The following IL7 variants were observed in gnomAD, a reference collection of about 807,000 sequenced individuals.
The protein encoded by IL7 is interleukin-7.
A neutral mutation model predicts 21.6 loss-of-function variants in IL7; 3 were observed. The ratio of observed to expected loss-of-function variants is 0.14; its 90% confidence interval spans 0.06 to 0.36. The LOEUF is 0.36. Among genes scored for constraint, IL7 ranks in the 10% least tolerant of loss-of-function variants. IL7 has a pLI of 1.00. For synonymous variants in IL7, 62 were observed against 68.1 expected, an observed-to-expected ratio of 0.91 and a Z score of 0.44; for missense variants, 175 against 200.2, an observed-to-expected ratio of 0.87 and a Z score of 0.76.
chr8:78,687,915 A>ATG lies in IL7; in HGVS notation n.215-1969_215-1968insCA, dbSNP rs899825283. 7.8e-5 allele frequency among the ~76,000 whole-genome samples: 11 copies of ATG among 140,978 alleles called. 2 individuals are homozygous for ATG. Among genetic ancestry groups the ATG allele is most frequent in the African/African-American group, 2.6e-4 (10 of 38,604 alleles). 92.5% of individuals were successfully genotyped at this position (140,978 alleles called of 152,430 possible). Reference sequence around the variant, plus strand: ...ATAAATTATATATATTTATATAAATATATAATTATTTATATCTATATTTTT... The same window carrying ATG: ...ATAAATTATATATATTTATATAAATATGTATAATTATTTATATCTATATTTTT... On this transcript the variant is annotated intron_variant and non_coding_transcript_variant, in intron 3 of 4. Transcript: ENST00000523959.
At chr8:78,767,765 T>A (rs183535648) in intron 2 of IL7, among the ~76,000 whole-genome samples, 46 of 152,224 alleles carry the variant, frequency 3.0e-4, no homozygotes, top group African/African-American at 1.0e-3. Flanking sequence ...AATGGAGTAA[T>A]CTTTTTTATT....
intron 2 of IL7, among the ~76,000 whole-genome samples, chr8:78,755,464 T>G (rs1005240377): frequency 1.3e-5 from 2 of 152,076 alleles, no homozygotes; most frequent in Non-Finnish European, 2.9e-5. Flanking sequence ...ATAGGCATAT[T>G]ATATCTTTAC....
At chr8:78,711,083 G>A (rs1489035391) in intron 3 of IL7, among the ~76,000 whole-genome samples, 2 of 152,040 alleles carry the variant, frequency 1.3e-5, no homozygotes, top group Non-Finnish European at 2.9e-5. Flanking sequence ...TAGATGCTCA[G>A]GGTTTATAGT....
At chr8:78,757,138 T>C (rs1812375148) in intron 2 of IL7, among the ~76,000 whole-genome samples, 1 of 152,058 alleles carries the variant, frequency 6.6e-6, no homozygotes, top group Non-Finnish European at 1.5e-5. Flanking sequence ...CATTTTTTCA[T>C]TAATCTAATG....
At chr8:78,741,582 A>T (rs1369880435) in intron 2 of IL7, among the ~76,000 whole-genome samples, 3 of 152,244 alleles carry the variant, frequency 2.0e-5, no homozygotes, top group Admixed American at 1.3e-4. Flanking sequence ...TGCATGACAC[A>T]TGAATATTTA....
intron 3 of IL7, among the ~76,000 whole-genome samples, chr8:78,708,821 G>A (rs963400350): frequency 1.3e-4 from 19 of 151,964 alleles, no homozygotes; most frequent in African/African-American, 4.6e-4. Context: ...GCTGGGACAG[G>A]TGTGTGCTAC....
chr8:78,744,093 G>A (rs905358698), intron 2 of IL7, among the ~76,000 whole-genome samples: 7 of 152,086 alleles, frequency 4.6e-5, no homozygotes, highest in African/African-American at 1.4e-4. Flanking sequence ...GAAGCAGTCT[G>A]GCCATGCTTT....
chr8:78,714,550 A>G (rs1586033664), downstream of IL7, among the ~76,000 whole-genome samples: 1 of 152,164 alleles, frequency 6.6e-6, no homozygotes. Context: ...ATCTAAATTC[A>G]TTTGAATTCC....
chr8:78,743,866 C>T (rs1240893672), intron 2 of IL7, among the ~76,000 whole-genome samples: 2 of 152,138 alleles, frequency 1.3e-5, no homozygotes, highest in Non-Finnish European at 2.9e-5. Flanking sequence ...GGGGTCTACT[C>T]CAGTCCCTAG....
At position 78,801,781 on chromosome 8, in the gene IL7, C is replaced by T. The variant is rs150753245; in HGVS notation, c.10+3132G>A. 3.2e-4 allele frequency among the ~76,000 whole-genome samples: 48 copies of T among 152,318 alleles called. No individual in the cohort carries two copies. The East Asian group carries it at 8.1e-3, about 26-fold the overall frequency. On this transcript the variant is annotated intron_variant, in intron 1 of 5. Coordinates refer to ENST00000263851, the MANE Select transcript of IL7 (RefSeq NM_000880.4). ...ACTCTTTAGATCTGAAATTGCCTCA[C>T]GGACAATGCTGCAAACATACCTAGG...
At chr8:78,744,185 T>A (rs552112639) in intron 2 of IL7, among the ~76,000 whole-genome samples, 6 of 151,882 alleles carry the variant, frequency 4.0e-5, no homozygotes, top group African/African-American at 1.4e-4. Context: ...CTGGACAGGT[T>A]CAGTACCCAA....
chr8:78,696,916 T>A (rs937329370), intron 3 of IL7, among the ~76,000 whole-genome samples: 2 of 152,200 alleles, frequency 1.3e-5, no homozygotes, highest in African/African-American at 4.8e-5. Context: ...CTACTAATGT[T>A]TGTTTGGTGT....
intron 4 of IL7, chr8:78,678,636 C>G (rs1205736267): frequency 6.2e-7 from 1 of 1,612,224 alleles, no homozygotes; most frequent in African/African-American, 1.3e-5. Flanking sequence ...AGACAGAGAG[C>G]TGAAGGAACT....
chr8:78,675,680 T>G, downstream of IL7: 1 of 1,049,458 alleles, frequency 9.5e-7, no homozygotes, highest in Non-Finnish European at 1.4e-6. Flanking sequence ...AAAACATTTT[T>G]CACAAAAACT....
intron 5 of IL7, among the ~76,000 whole-genome samples, chr8:78,735,915 CATTTAAGT>C (rs1212666017): frequency 6.6e-6 from 1 of 151,864 alleles, no homozygotes; most frequent in Non-Finnish European, 1.5e-5. Flanking sequence ...TAGTCAGATC[CATTTAAGT>C]ATTCTGCCTT....
At chr8:78,702,503 G>T (rs959979874) in intron 3 of IL7, among the ~76,000 whole-genome samples, 1 of 152,052 alleles carries the variant, frequency 6.6e-6, no homozygotes, top group Non-Finnish European at 1.5e-5. Flanking sequence ...TCTTCTGCTA[G>T]CTTTGGGATT....
At chr8:78,681,331 A>T (rs1163982440) in intron 4 of IL7, among the ~76,000 whole-genome samples, 1 of 152,210 alleles carries the variant, frequency 6.6e-6, no homozygotes, top group Non-Finnish European at 1.5e-5. Flanking sequence ...TTGATAAAAG[A>T]TACTATGAGA....
intron 2 of IL7, chr8:78,761,894 C>G: frequency 6.2e-7 from 1 of 1,611,504 alleles, no homozygotes; most frequent in Middle Eastern, 2.3e-4. Flanking sequence ...TATGTTTTGC[C>G]TTCCCATCAG....
downstream of IL7, chr8:78,717,664 G>A: frequency 2.3e-5 from 12 of 529,448 alleles, no homozygotes; most frequent in South Asian, 3.7e-5. Context: ...GTTTATATGT[G>A]TACATATACT....
Sources: allele counts gnomAD v4.1 joint callset (sites outside exome capture counted in the v4.1 genomes callset), GRCh38; gene constraint gnomAD v4.1.1; transcripts MANE v1.5; gene names NCBI Gene and HGNC (gene_info 2026-07-23, HGNC 2026-07-21).